Variants in MANBA observed in about 807,000 individuals in gnomAD.
The protein encoded by MANBA is beta-mannosidase.
Under a neutral mutation model 111.1 loss-of-function variants are expected in MANBA, and 83 were observed. That is an observed-to-expected ratio of 0.75 (90% CI 0.63 to 0.90). The LOEUF (loss-of-function observed/expected upper bound fraction) is 0.90. MANBA is among the 40% of genes least tolerant of loss of function. MANBA has a pLI of 0.00. For missense variants in MANBA, 1,036 were observed against 1,069.0 expected, an observed-to-expected ratio of 0.97 and a Z score of 0.43; for synonymous variants, 370 against 378.7, an observed-to-expected ratio of 0.98 and a Z score of 0.27.
chr4:102,743,397 A>T (rs1723480140), intron 1 of MANBA, among the ~76,000 whole-genome samples: 1 of 152,162 alleles, frequency 6.6e-6, no homozygotes, highest in Non-Finnish European at 1.5e-5. Flanking sequence ...CTTCACTGCT[A>T]TCCTTCAGGG....
chr4:102,729,096 G>GGGC, intron 1 of MANBA: 1 of 750,974 alleles, frequency 1.3e-6, no homozygotes, highest in Non-Finnish European at 2.5e-6. Context: ...GCCTGCTGCA[G>GGGC]GGCGGCCTCC....
At chr4:102,697,434 C>T (rs1011289791) in intron 5 of MANBA, among the ~76,000 whole-genome samples, 3 of 151,804 alleles carry the variant, frequency 2.0e-5, no homozygotes, top group Non-Finnish European at 2.9e-5. Context: ...TATACATGTG[C>T]CATGCTGGTG....
intron 1 of MANBA, chr4:102,728,896 G>T: frequency 1.3e-6 from 1 of 755,740 alleles, no homozygotes; most frequent in Non-Finnish European, 2.3e-6. Context: ...GGCCCCCACA[G>T]GCCGAGCTCA....
chr4:102,698,085 G>C (rs947789835), intron 5 of MANBA, among the ~76,000 whole-genome samples: 46 of 151,996 alleles, frequency 3.0e-4, no homozygotes, highest in Admixed American at 6.5e-4. Flanking sequence ...TTGTGGTTTT[G>C]ATTTGCATTT....
intron 1 of MANBA, chr4:102,729,653 C>A: frequency 1.4e-6 from 2 of 1,440,188 alleles, no homozygotes. Context: ...TCTTGAAGTC[C>A]TCCACCAGCC....
chr4:102,664,157 T>C (rs771279793), intron 11 of MANBA, among the ~76,000 whole-genome samples: 1 of 152,182 alleles, frequency 6.6e-6, no homozygotes, highest in Non-Finnish European at 1.5e-5. Flanking sequence ...TTGTAAGCAC[T>C]GCATTGGTGT....
intron 13 of MANBA, among the ~76,000 whole-genome samples, chr4:102,649,572 C>A (rs1426715685): frequency 2.0e-5 from 3 of 152,098 alleles, no homozygotes; most frequent in African/African-American, 7.2e-5. Flanking sequence ...AGCTCCAGTT[C>A]AAGATTTTTG....
chr4:102,692,468 C>T (rs78496933), intron 5 of MANBA, among the ~76,000 whole-genome samples: 4,551 of 152,150 alleles, frequency 0.03, 160 homozygotes, highest in African/African-American at 0.085. Context: ...ATAATGTCTC[C>T]GGGTTTGGTT....
At chr4:102,664,581 G>T in intron 11 of MANBA, 104 bp downstream of exon 11, 1 of 978,460 alleles carries the variant, frequency 1.0e-6, no homozygotes, top group East Asian at 2.5e-5. Context: ...CTTGTGATCC[G>T]CCCGCCTCAG....
intron 13 of MANBA, among the ~76,000 whole-genome samples, chr4:102,648,708 G>A (rs1730204556): frequency 6.6e-6 from 1 of 152,042 alleles, no homozygotes; most frequent in South Asian, 2.1e-4. Flanking sequence ...TAAGATGTGT[G>A]AATTTTATGA....
intron 1 of MANBA, chr4:102,734,697 C>A: frequency 1.1e-6 from 1 of 941,310 alleles, no homozygotes. Flanking sequence ...TGTTCCCCCT[C>A]TCCATCCCAG....
intron 1 of MANBA, among the ~76,000 whole-genome samples, chr4:102,758,311 C>A (rs6854183): frequency 1.3e-5 from 2 of 151,894 alleles, no homozygotes; most frequent in Non-Finnish European, 2.9e-5. Flanking sequence ...ATTAGAGGTA[C>A]AAAATAAATA....
chr4:102,689,397 T>C (rs1454424592), intron 7 of MANBA, among the ~76,000 whole-genome samples, 177 bp downstream of exon 7: 1 of 150,002 alleles, frequency 6.7e-6, no homozygotes, highest in African/African-American at 2.4e-5. Flanking sequence ...TGTATATATA[T>C]GTATGTATAT....
intron 13 of MANBA, among the ~76,000 whole-genome samples, chr4:102,640,252 A>G (rs1030937133): frequency 4.6e-5 from 7 of 152,238 alleles, no homozygotes; most frequent in Non-Finnish European, 8.8e-5. Context: ...CTTCATAGCT[A>G]TTTTTAAGAA....
intron 1 of MANBA, chr4:102,729,850 T>C: frequency 7.0e-7 from 1 of 1,418,606 alleles, no homozygotes. Context: ...AACCATACCT[T>C]GTCTATGAAG....
In MANBA at chr4:102,664,477, T is replaced by C. The variant is rs980005889; in HGVS notation, c.1485+208A>G. ...CATGCTCCTGCCTCAGCCTCCCGAGTAGCTGGGACTACAGGCGCCCGCCAC... is the reference window on the plus strand; with the variant it reads ...CATGCTCCTGCCTCAGCCTCCCGAGCAGCTGGGACTACAGGCGCCCGCCAC... On this transcript the variant is annotated intron_variant, in intron 11 of 16. Coordinates refer to ENST00000647097, the MANE Select transcript of MANBA (RefSeq NM_005908.4). 8.6e-5 allele frequency among the ~76,000 whole-genome samples: 13 copies of C among 151,850 alleles called. No individual in the cohort carries two copies. In the East Asian group the frequency reaches 1.6e-3, roughly 18 times the overall value.
chr4:102,743,991 A>C (rs967796710), intron 1 of MANBA, among the ~76,000 whole-genome samples: 1 of 152,230 alleles, frequency 6.6e-6, no homozygotes, highest in Non-Finnish European at 1.5e-5. Flanking sequence ...CTGCTGGGTC[A>C]TATGGTCCAA....
rs747277949 is a variant in MANBA, at chr4:102,690,718, T to C, written c.727A>G (p.Ser243Gly). Residue 243 changes from serine (S) to glycine (G), a missense_variant, in exon 6 of 17, where the codon AGC becomes GGC. Physicochemically the swap from Ser to Gly is moderately conservative, Grantham distance 56. Coordinates refer to ENST00000647097, the MANE Select transcript of MANBA (RefSeq NM_005908.4). ...LEIESTFDVVSSKPVGGQVIV... is the reference protein window; with the variant it reads ...LEIESTFDVVGSKPVGGQVIV... Reference sequence around the variant, plus strand: ...ACTTGACCACCAACTGGCTTTGAGCTGACAACATCAAATGTAGACTCTATT... The same window carrying C: ...ACTTGACCACCAACTGGCTTTGAGCCGACAACATCAAATGTAGACTCTATT... 6.2e-7 allele frequency: 1 copy of C among 1,605,456 alleles called. No individual in the cohort carries two copies.
In MANBA at chr4:102,719,402, G is replaced by C. The variant is rs1028149878; in HGVS notation, c.549+3469C>G. Among the ~76,000 whole-genome samples the C allele has an allele frequency of 1.1e-4, 16 of 152,232 alleles. No individual in the cohort carries two copies. The East Asian group carries it at 2.7e-3, about 26-fold the overall frequency. ...CCGTTATTCTGTTCTTTTTCAGGGT[G>C]CACTGATCATATTGTTCAAACACAC... On this transcript the variant is annotated intron_variant, in intron 4 of 16. Coordinates refer to ENST00000647097, the MANE Select transcript of MANBA (RefSeq NM_005908.4).
Sources: allele counts gnomAD v4.1 joint callset (sites outside exome capture counted in the v4.1 genomes callset), GRCh38; gene constraint gnomAD v4.1.1; transcripts MANE v1.5; gene names NCBI Gene and HGNC (gene_info 2026-07-23, HGNC 2026-07-21).